FAM222A: variants seen among roughly 807,000 people sequenced by gnomAD.
FAM222A encodes the protein protein FAM222A.
In FAM222A, 7 loss-of-function variants were observed where a neutral mutation model predicts 25.8. That is an observed-to-expected ratio of 0.27 (90% CI 0.15 to 0.51). FAM222A has a LOEUF of 0.51. FAM222A is among the 20% of genes least tolerant of loss of function. The pLI, the probability that FAM222A is intolerant of heterozygous loss-of-function variation, is 0.97. For synonymous variants in FAM222A, 294 were observed against 298.8 expected, an observed-to-expected ratio of 0.98 and a Z score of 0.17; for missense variants, 573 against 640.5, an observed-to-expected ratio of 0.89 and a Z score of 1.14.
At chr12:109,767,100 G>A (rs1340453481) in intron 2 of FAM222A, among the ~76,000 whole-genome samples, 3 of 126,818 alleles carry the variant, frequency 2.4e-5, no homozygotes, top group African/African-American at 6.2e-5. Flanking sequence ...ATAAAGACAA[G>A]GTCTTGCTGT....
chr12:109,719,866 A>G (rs745629763), intron 1 of FAM222A, among the ~76,000 whole-genome samples: 3 of 152,180 alleles, frequency 2.0e-5, no homozygotes, highest in Non-Finnish European at 2.9e-5. Flanking sequence ...GGGGCCAGCT[A>G]AGATCCCAGT....
At chr12:109,741,258 G>A (rs1888234428) in intron 1 of FAM222A, among the ~76,000 whole-genome samples, 1 of 152,164 alleles carries the variant, frequency 6.6e-6, no homozygotes, top group Admixed American at 6.5e-5. Flanking sequence ...GAGAACTGGG[G>A]TTGCAGAGAG....
chr12:109,729,364 G>C (rs1177420276), intron 1 of FAM222A, among the ~76,000 whole-genome samples: 1 of 152,256 alleles, frequency 6.6e-6, no homozygotes, highest in East Asian at 1.9e-4. Flanking sequence ...CATGCTGGGG[G>C]GTCTCAGGAC....
chr12:109,740,844 G>A (rs907422756), intron 1 of FAM222A, among the ~76,000 whole-genome samples: 3 of 152,212 alleles, frequency 2.0e-5, no homozygotes, highest in African/African-American at 2.4e-5. Context: ...ACACCTTGGT[G>A]TGATTAGAGC....
At chr12:109,762,882 G>A (rs895601764) in intron 2 of FAM222A, among the ~76,000 whole-genome samples, 3 of 152,256 alleles carry the variant, frequency 2.0e-5, no homozygotes, top group Non-Finnish European at 2.9e-5. Flanking sequence ...AGGGACTCCA[G>A]TGACCTGGAG....
At chr12:109,764,221 T>TAAAAAAAAAAAAAAAAA (rs1565847960) in intron 2 of FAM222A, among the ~76,000 whole-genome samples, 1 of 9,872 alleles carries the variant, frequency 1.0e-4, no homozygotes, top group Admixed American at 1.0e-3. Context: ...GACCCTGTCT[T>TAAAAAAAAAAAAAAAAA]CAAAAAAAAA....
At chr12:109,738,011 AAGAG>A (rs974262500) in intron 1 of FAM222A, among the ~76,000 whole-genome samples, 13 of 152,134 alleles carry the variant, frequency 8.5e-5, no homozygotes, top group East Asian at 1.9e-4. Context: ...GGAAGGGAGA[AAGAG>A]AGAGAGACAG....
chr12:109,751,818 G>C (rs1276270021), intron 2 of FAM222A, among the ~76,000 whole-genome samples: 1 of 152,176 alleles, frequency 6.6e-6, no homozygotes, highest in East Asian at 1.9e-4. Flanking sequence ...TTTGAAATCT[G>C]TAGGTGTGGC....
intron 2 of FAM222A, among the ~76,000 whole-genome samples, chr12:109,759,360 G>A (rs1397852340): frequency 6.6e-6 from 1 of 152,084 alleles, no homozygotes; most frequent in African/African-American, 2.4e-5. Context: ...AGGCCCTGTG[G>A]TGCAGAGTGT....
chr12:109,724,441 CCTT>C (rs1566184305), intron 1 of FAM222A, among the ~76,000 whole-genome samples: 2 of 152,232 alleles, frequency 1.3e-5, no homozygotes, highest in East Asian at 3.9e-4. Flanking sequence ...TCACAGACTC[CCTT>C]CTTCCCAGTG....
intron 2 of FAM222A, among the ~76,000 whole-genome samples, chr12:109,761,477 C>T (rs995292174): frequency 1.3e-5 from 2 of 152,236 alleles, no homozygotes; most frequent in African/African-American, 4.8e-5. Flanking sequence ...GTAAAATCCC[C>T]CTGCCATCCC....
intron 2 of FAM222A, among the ~76,000 whole-genome samples, chr12:109,765,635 C>T (rs987097215): frequency 6.6e-6 from 1 of 152,234 alleles, no homozygotes; most frequent in Non-Finnish European, 1.5e-5. Context: ...CCATGTCCCG[C>T]CACCGCCTGT....
chr12:109,749,528 A>G (rs116318139), intron 2 of FAM222A, among the ~76,000 whole-genome samples: 1,633 of 152,018 alleles, frequency 0.011, 26 homozygotes, highest in African/African-American at 0.037. Context: ...AATTGTTGTG[A>G]GCTTTGTGGA....
intron 2 of FAM222A, among the ~76,000 whole-genome samples, chr12:109,751,889 T>C (rs1452270178): frequency 1.3e-5 from 2 of 152,250 alleles, no homozygotes; most frequent in Non-Finnish European, 2.9e-5. Flanking sequence ...TGTTCTTTTT[T>C]GTTTAGGGGT....
At chr12:109,762,178 T>C (rs1486209293) in intron 2 of FAM222A, among the ~76,000 whole-genome samples, 1 of 152,210 alleles carries the variant, frequency 6.6e-6, no homozygotes, top group Non-Finnish European at 1.5e-5. Context: ...CTGGTTACTG[T>C]AGCTGTGTAC....
chr12:109,747,024 T>TA (rs1318468499), intron 2 of FAM222A, among the ~76,000 whole-genome samples: 1 of 152,242 alleles, frequency 6.6e-6, no homozygotes, highest in Non-Finnish European at 1.5e-5. Context: ...TTCCTTTGAA[T>TA]GACATGTCAG....
intron 2 of FAM222A, among the ~76,000 whole-genome samples, chr12:109,756,392 CTT>C (rs35171962): frequency 0.52 from 63,998 of 124,136 alleles, 14,471 homozygotes; most frequent in Middle Eastern, 0.58. Context: ...AATATGAATG[CTT>C]TTTTTTTTTT....
chr12:109,734,406 ATCCGGC>A (rs1282030243), intron 1 of FAM222A: 2 of 151,878 alleles, frequency 1.3e-5, no homozygotes, highest in African/African-American at 4.8e-5. Flanking sequence ...GCTCCACCGG[ATCCGGC>A]TCCGCAGAAA....
chr12:109,759,079 A>G (rs959360682), intron 2 of FAM222A, among the ~76,000 whole-genome samples: 1 of 152,192 alleles, frequency 6.6e-6, no homozygotes, highest in Non-Finnish European at 1.5e-5. Context: ...GGGTATGCCC[A>G]GTGAAGCAGT....
Sources: allele counts gnomAD v4.1 joint callset (sites outside exome capture counted in the v4.1 genomes callset), GRCh38; gene constraint gnomAD v4.1.1; transcripts MANE v1.5; gene names NCBI Gene and HGNC (gene_info 2026-07-23, HGNC 2026-07-21).